The following CCNL1 variants were observed in gnomAD, a reference collection of about 807,000 sequenced individuals.
CCNL1 encodes cyclin-L1.
A neutral mutation model predicts 60.6 loss-of-function variants in CCNL1; 13 were observed. The ratio of observed to expected loss-of-function variants is 0.21; its 90% CI spans 0.14 to 0.34. The LOEUF is 0.34. Ranked by LOEUF, CCNL1 falls within the 10% of genes least tolerant of loss-of-function variation. The pLI is 1.00. For missense variants in CCNL1, 481 were observed against 664.3 expected, an observed-to-expected ratio of 0.72 and a Z score of 3.03; for synonymous variants, 270 against 244.3, an observed-to-expected ratio of 1.10 and a Z score of -0.98.
intron 8 of CCNL1, 101 bp downstream of exon 8, chr3:157,149,735 C>T: frequency 6.7e-7 from 1 of 1,492,312 alleles, no homozygotes; most frequent in Non-Finnish European, 9.1e-7. Context: ...CAGCAGTTTC[C>T]TAACATCATT....
At chr3:157,145,457 AAAAAAAACC>A (rs1234367641), downstream of CCNL1, among the ~76,000 whole-genome samples, 4 of 147,970 alleles carry the variant, frequency 2.7e-5, no homozygotes, top group African/African-American at 5.1e-5. Context: ...AAAAAAAAAA[AAAAAAAACC>A]AAAACGGGAT....
intron 5 of CCNL1, 33 bp downstream of exon 5, chr3:157,152,144 T>C (rs755787914): frequency 1.3e-6 from 2 of 1,599,612 alleles, no homozygotes; most frequent in South Asian, 2.3e-5. Context: ...TCTGTTTTCC[T>C]GGCTAGGAAA....
downstream of CCNL1, among the ~76,000 whole-genome samples, chr3:157,147,210 G>T (rs1737813211): frequency 6.6e-6 from 1 of 152,088 alleles, no homozygotes; most frequent in African/African-American, 2.4e-5. Flanking sequence ...TAATTATAAA[G>T]CGATGCAACA....
At chr3:157,157,213 TAAC>T (rs1738689356) in intron 3 of CCNL1, 2 of 755,698 alleles carry the variant, frequency 2.6e-6, no homozygotes, top group African/African-American at 1.8e-5. Flanking sequence ...TCCATGCAAT[TAAC>T]AACTCCTTTT....
At chr3:157,159,606 C>G in intron 1 of CCNL1, 127 bp from the exon 2 acceptor site, 1 of 1,022,490 alleles carries the variant, frequency 9.8e-7, no homozygotes, top group Non-Finnish European at 1.4e-6. Flanking sequence ...GAACAGCCCG[C>G]TGCCAAGTCC....
chr3:157,150,480 C>A (rs1173526125), intron 5 of CCNL1, 99 bp from the exon 6 acceptor site: 2 of 1,480,338 alleles, frequency 1.4e-6, no homozygotes, highest in South Asian at 1.3e-5. Flanking sequence ...CTTTTTTCTT[C>A]TCTTATTTAT....
chr3:157,157,859 G>T (rs936731548), intron 3 of CCNL1, among the ~76,000 whole-genome samples: 1 of 152,018 alleles, frequency 6.6e-6, no homozygotes, highest in Non-Finnish European at 1.5e-5. Context: ...TTCCATTACT[G>T]CCAACTTACA....
chr3:157,149,224 G>T, intron 10 of CCNL1, 63 bp downstream of exon 10: 1 of 1,323,394 alleles, frequency 7.6e-7, no homozygotes, highest in South Asian at 1.2e-5. Context: ...AATTTTTAAA[G>T]AAAAAGCAAT....
At chr3:157,159,114 TAC>T in intron 2 of CCNL1, 139 bp from the exon 3 acceptor site, 1 of 646,768 alleles carries the variant, frequency 1.5e-6, no homozygotes, top group Non-Finnish European at 2.7e-6. Flanking sequence ...GCTATGCTAG[TAC>T]TATACTTTTT....
downstream of CCNL1, among the ~76,000 whole-genome samples, chr3:157,143,959 C>T (rs912346329): frequency 6.6e-6 from 1 of 152,188 alleles, no homozygotes; most frequent in African/African-American, 2.4e-5. Flanking sequence ...ATTTTACCTA[C>T]TCTTCAAAGA....
chr3:157,154,341 T>C (rs1437961691), intron 3 of CCNL1: 1 of 152,218 alleles, frequency 6.6e-6, no homozygotes, highest in East Asian at 1.9e-4. Context: ...CAAAAACTAC[T>C]ATTTTATCAA....
At chr3:157,152,530 C>G in intron 4 of CCNL1, 2 of 1,103,358 alleles carry the variant, frequency 1.8e-6, no homozygotes, top group Non-Finnish European at 2.2e-6. Flanking sequence ...ATTATTTCAC[C>G]TAATTTCCCA....
At chr3:157,158,692 T>C in intron 3 of CCNL1, 174 bp downstream of exon 3, 1 of 510,900 alleles carries the variant, frequency 2.0e-6, no homozygotes, top group Non-Finnish European at 3.5e-6. Context: ...TAATTATGTT[T>C]CTTTTTTCAA....
intron 3 of CCNL1, among the ~76,000 whole-genome samples, chr3:157,158,068 G>A (rs541048476): frequency 6.6e-6 from 1 of 152,300 alleles, no homozygotes; most frequent in South Asian, 2.1e-4. Context: ...TGTACTGGAA[G>A]TCACCTGTAG....
chr3:157,159,569 T>G, intron 1 of CCNL1, 90 bp from the exon 2 acceptor site: 1 of 1,248,116 alleles, frequency 8.0e-7, no homozygotes, highest in Non-Finnish European at 1.1e-6. Context: ...TCGCTTCCCT[T>G]TCCCCTCCCG....
chr3:157,160,037 G>A lies in CCNL1; in HGVS notation c.58C>T (p.Pro20Ser). The change falls in exon 1 of 11, where the codon CCA becomes TCA. Residue 20 changes from proline (P) to serine (S), a missense_variant. Pro to Ser is a moderately conservative substitution (Grantham distance 74). Around this residue, in one of 5 missense-constraint regions of CCNL1, gnomAD observed 65 missense variants for 57.5 expected, o/e 1.13. Coordinates refer to ENST00000295926, the MANE Select transcript of CCNL1 (RefSeq NM_020307.4). ...TAAAAASSAAPSAGGSSSGTT... is the reference protein window; with the variant it reads ...TAAAAASSAASSAGGSSSGTT... ...CCGGAGCTGGAGCCGCCCGCGCTTG[G>A]GGCGGCCGATGAGGCGGCTGCGGCA... 1 of 1,566,756 alleles carries A rather than the reference G, an allele frequency of 6.4e-7. No homozygotes were observed. The highest frequency in any genetic ancestry group is 8.7e-7 in the Non-Finnish European group (1 of 1,155,988).
Position 157,150,340 on chromosome 3 carries a change from C to T in CCNL1, c.716G>A (p.Arg239Gln), listed in dbSNP as rs1738089011. ...NDSLRTNVFV[R>Q]FQPETIACAC... ...ACATGCTATAGTCTCTGGTTGAAATCGAACAAACACATTGGTTCGAAGACT... is the reference window on the plus strand; with the variant it reads ...ACATGCTATAGTCTCTGGTTGAAATTGAACAAACACATTGGTTCGAAGACT... The change falls in exon 6 of 11, where the codon CGA (arginine) becomes CAA (glutamine). Residue 239 changes from arginine (R) to glutamine (Q), a missense_variant. By Grantham distance (43) the Arg-to-Gln change is conservative (BLOSUM62 1). Coordinates refer to ENST00000295926, the MANE Select transcript of CCNL1 (RefSeq NM_020307.4). The T allele has an allele frequency of 3.1e-6, 5 of 1,613,940 alleles. No homozygotes were observed. Among genetic ancestry groups the T allele is most frequent in the Non-Finnish European group, 4.2e-6 (5 of 1,179,894 alleles).
chr3:157,153,729 T>C (rs1738376906), intron 3 of CCNL1: 1 of 152,128 alleles, frequency 6.6e-6, no homozygotes, highest in Non-Finnish European at 1.5e-5. Context: ...TCATGCATTC[T>C]ATATGGCCAA....
Position 157,156,373 on chromosome 3 carries a change from C to G in CCNL1, c.488+2493G>C, listed in dbSNP as rs187735910. Among the ~76,000 whole-genome samples, 8 of 152,290 alleles carry G rather than the reference C, an allele frequency of 5.3e-5. No individual in the cohort carries two copies. The East Asian group carries it at 1.3e-3, about 26-fold the overall frequency. On this transcript the variant is annotated intron_variant, in intron 3 of 10. Coordinates refer to ENST00000295926, the MANE Select transcript of CCNL1 (RefSeq NM_020307.4). ...TTCTTACCTATCCAACTTTTATTAT[C>G]TATGGATACACTGAAAATACATTGT...
Sources: gnomAD v4.1 joint callset for allele counts (sites outside exome capture counted in the v4.1 genomes callset) on GRCh38, gnomAD v4.1.1 for gene constraint, gnomAD v4.1.1 regional missense constraint, MANE v1.5 for transcripts, NCBI Gene and HGNC (gene_info 2026-07-23, HGNC 2026-07-21) for gene names.